Variants in MED13L observed in about 807,000 individuals in gnomAD.
MED13L encodes mediator of RNA polymerase II transcription subunit 13-like.
A neutral mutation model predicts 220.9 loss-of-function variants in MED13L; 7 were observed. That is an observed-to-expected ratio of 0.03 (90% CI 0.02 to 0.06). MED13L has a LOEUF of 0.06. Among genes scored for constraint, MED13L ranks in the 10% least tolerant of loss-of-function variants. The probability of loss-of-function intolerance (pLI) is 1.00; values close to 1 mark genes in which losing one functional copy is unlikely to be tolerated. For missense variants in MED13L, 1,965 were observed against 2,760.5 expected (o/e 0.71, Z 6.46); for synonymous variants, 1,011 against 1,015.2 (o/e 1.00, Z 0.08).
At chr12:116,089,717 A>G (rs1274321536) in intron 4 of MED13L, among the ~76,000 whole-genome samples, 1 of 152,244 alleles carries the variant, frequency 6.6e-6, no homozygotes, top group East Asian at 1.9e-4. Context: ...AAATGTGGAA[A>G]TGAAAAAATA....
At chr12:116,042,864 G>T (rs776274476) in intron 4 of MED13L, among the ~76,000 whole-genome samples, 4 of 152,124 alleles carry the variant, frequency 2.6e-5, no homozygotes, top group Non-Finnish European at 4.4e-5. Context: ...TAAAAAGAAG[G>T]AAATTTTATC....
chr12:116,063,007 T>C (rs561427405), intron 4 of MED13L, among the ~76,000 whole-genome samples: 46 of 152,338 alleles, frequency 3.0e-4, no homozygotes, highest in African/African-American at 1.0e-3. Context: ...ACTTTATTTC[T>C]CAAAATAAGT....
At chr12:116,256,555 T>C (rs1304032279) in intron 1 of MED13L, among the ~76,000 whole-genome samples, 1 of 152,128 alleles carries the variant, frequency 6.6e-6, no homozygotes, top group Non-Finnish European at 1.5e-5. Context: ...TTTGTCAAAA[T>C]TATGAAACCG....
chr12:116,209,701 C>T (rs1229100180), intron 2 of MED13L, among the ~76,000 whole-genome samples: 1 of 152,156 alleles, frequency 6.6e-6, no homozygotes, highest in Non-Finnish European at 1.5e-5. Context: ...TAGAGCCCAA[C>T]CCTCTACCAC....
intron 1 of MED13L, among the ~76,000 whole-genome samples, chr12:116,253,807 T>A (rs1186181055): frequency 1.5e-5 from 2 of 137,044 alleles, no homozygotes; most frequent in African/African-American, 5.6e-5. Context: ...TCACCCAGGC[T>A]GGAGTGCAGT....
chr12:116,087,942 T>C (rs1225042889), intron 4 of MED13L, among the ~76,000 whole-genome samples: 1 of 152,130 alleles, frequency 6.6e-6, no homozygotes, highest in Non-Finnish European at 1.5e-5. Context: ...ACGTATCAGG[T>C]TCCCCATCCA....
chr12:115,992,968 A>T (rs1463389276), intron 16 of MED13L, among the ~76,000 whole-genome samples: 1 of 152,168 alleles, frequency 6.6e-6, no homozygotes, highest in Non-Finnish European at 1.5e-5. Context: ...ATTCAGCCAT[A>T]TACAGATGGA....
chr12:116,064,188 A>G (rs1027858614), intron 4 of MED13L, among the ~76,000 whole-genome samples: 1 of 151,988 alleles, frequency 6.6e-6, no homozygotes, highest in South Asian at 2.1e-4. Flanking sequence ...GTCTCAAAAA[A>G]AAAAAAAGTC....
At chr12:116,055,669 T>C (rs1183660977) in intron 4 of MED13L, among the ~76,000 whole-genome samples, 1 of 151,904 alleles carries the variant, frequency 6.6e-6, no homozygotes, top group Admixed American at 6.6e-5. Flanking sequence ...CTGAGGTGGG[T>C]GGATCACCTG....
chr12:116,116,545 T>C (rs1226361450), intron 2 of MED13L, among the ~76,000 whole-genome samples: 4 of 152,032 alleles, frequency 2.6e-5, no homozygotes, highest in African/African-American at 9.7e-5. Context: ...AGTTTTCCCC[T>C]GAGTTCTGTG....
At chr12:116,037,880 T>C (rs771047039) in intron 4 of MED13L, among the ~76,000 whole-genome samples, 16 of 152,150 alleles carry the variant, frequency 1.1e-4, no homozygotes, top group Non-Finnish European at 1.9e-4. Context: ...AAAACTAATA[T>C]AATTTTCAAG....
intron 3 of MED13L, among the ~76,000 whole-genome samples, chr12:116,100,481 T>C (rs1388038498): frequency 6.7e-6 from 1 of 149,106 alleles, no homozygotes; most frequent in Non-Finnish European, 1.5e-5. Flanking sequence ...GCACCTGTAA[T>C]CCCACCTACT....
intron 2 of MED13L, among the ~76,000 whole-genome samples, chr12:116,113,484 A>AT (rs915729852): frequency 8.2e-5 from 12 of 146,326 alleles, no homozygotes; most frequent in Non-Finnish European, 1.5e-4. Flanking sequence ...AAAAAAAAAA[A>AT]AAATTATATA....
chr12:116,017,650 C>T (rs148088820), intron 7 of MED13L, among the ~76,000 whole-genome samples: 138 of 152,256 alleles, frequency 9.1e-4, no homozygotes, highest in Non-Finnish European at 1.7e-3. Flanking sequence ...TGGTCTAGCT[C>T]CGTCGACCAT....
intron 4 of MED13L, among the ~76,000 whole-genome samples, chr12:116,036,277 AATC>A (rs1230718011): frequency 4.6e-5 from 7 of 152,248 alleles, no homozygotes; most frequent in Admixed American, 2.0e-4. Flanking sequence ...AAAGAAGTTT[AATC>A]ATCAATAGGA....
At chr12:116,160,764 T>A (rs554494312) in intron 2 of MED13L, among the ~76,000 whole-genome samples, 94 of 151,034 alleles carry the variant, frequency 6.2e-4, no homozygotes, top group African/African-American at 1.4e-3. Context: ...TTTATTTTTT[T>A]TTTTTTTGTA....
chr12:116,039,366 G>A (rs1181427288), intron 4 of MED13L, among the ~76,000 whole-genome samples: 4 of 152,166 alleles, frequency 2.6e-5, no homozygotes, highest in Non-Finnish European at 5.9e-5. Flanking sequence ...CCCAGCAAAA[G>A]AGAAATAAAA....
intron 11 of MED13L, 21 bp downstream of exon 11, chr12:116,007,390 T>G: frequency 4.4e-6 from 7 of 1,585,232 alleles, no homozygotes; most frequent in Non-Finnish European, 6.1e-6. Context: ...CATGCTGGAC[T>G]CTCTCTCTGT....
In MED13L at chr12:116,009,172, G is replaced by A. The variant is rs752129377; in HGVS notation, c.1281-40C>T. On this transcript the variant is annotated intron_variant, in intron 9 of 30. Coordinates refer to ENST00000281928, the MANE Select transcript of MED13L (RefSeq NM_015335.5). The stretch of plus-strand genomic sequence containing the variant: ...AACAATTACATCATTATAACATTAA[G>A]AAAAGAGATTCTCTGACAAAATTTT... 3.1e-6 allele frequency: 5 copies of A among 1,610,548 alleles called. No homozygotes were observed. The African/African-American group carries it at 4.0e-5, about 13-fold the overall frequency.
Sources: gnomAD v4.1 joint callset for allele counts (sites outside exome capture counted in the v4.1 genomes callset) on GRCh38, gnomAD v4.1.1 for gene constraint, MANE v1.5 for transcripts, NCBI Gene and HGNC (gene_info 2026-07-23, HGNC 2026-07-21) for gene names.